The following CAPZB variants were observed in gnomAD, a reference collection of about 807,000 sequenced individuals.
The protein encoded by CAPZB is F-actin-capping protein subunit beta.
In CAPZB, 2 loss-of-function variants were observed where a neutral mutation model predicts 38.1. That is an observed-to-expected ratio of 0.05 (90% CI 0.02 to 0.17). The LOEUF is 0.17. Ranked by LOEUF, CAPZB falls within the 10% of genes least tolerant of loss-of-function variation. CAPZB has a pLI of 1.00. For missense variants in CAPZB, 161 were observed against 334.2 expected (o/e 0.48, Z 4.04); for synonymous variants, 107 against 127.4 (o/e 0.84, Z 1.08).
chr1:19,414,203 C>T (rs1303571927), intron 2 of CAPZB, among the ~76,000 whole-genome samples: 2 of 152,200 alleles, frequency 1.3e-5, no homozygotes, highest in South Asian at 2.1e-4. Flanking sequence ...TCCCTGCAGA[C>T]ATCATGCTGC....
chr1:19,389,450 T>TG (rs2094220664), intron 2 of CAPZB, among the ~76,000 whole-genome samples: 1 of 151,956 alleles, frequency 6.6e-6, no homozygotes, highest in Non-Finnish European at 1.5e-5. Context: ...CTCAATGAGA[T>TG]GGAGTCCAGC....
chr1:19,380,700 G>C (rs958595371), intron 3 of CAPZB, among the ~76,000 whole-genome samples: 6 of 152,176 alleles, frequency 3.9e-5, no homozygotes, highest in African/African-American at 1.4e-4. Flanking sequence ...GTATGACCAA[G>C]AGACTCAATT....
At chr1:19,428,573 T>C (rs556254664) in intron 1 of CAPZB, among the ~76,000 whole-genome samples, 1 of 152,338 alleles carries the variant, frequency 6.6e-6, no homozygotes, top group African/African-American at 2.4e-5. Context: ...AAAAATTCTG[T>C]TGGGATCACA....
chr1:19,350,037 G>A (rs1224618527), intron 6 of CAPZB, among the ~76,000 whole-genome samples: 1 of 152,224 alleles, frequency 6.6e-6, no homozygotes, highest in African/African-American at 2.4e-5. Flanking sequence ...TTCCAATGGC[G>A]TCTGAAGCCG....
chr1:19,439,663 C>A (rs2094469348), intron 1 of CAPZB, among the ~76,000 whole-genome samples: 1 of 152,260 alleles, frequency 6.6e-6, no homozygotes, highest in African/African-American at 2.4e-5. Flanking sequence ...CCCTCAGACA[C>A]CTGAAGTGAG....
chr1:19,413,038 G>A (rs1310916366), intron 2 of CAPZB, among the ~76,000 whole-genome samples: 1 of 152,204 alleles, frequency 6.6e-6, no homozygotes, highest in Non-Finnish European at 1.5e-5. Flanking sequence ...TGCATGGATG[G>A]TGCATTTAAT....
intron 2 of CAPZB, among the ~76,000 whole-genome samples, chr1:19,394,009 T>C (rs1403319553): frequency 6.6e-6 from 1 of 152,208 alleles, no homozygotes; most frequent in African/African-American, 2.4e-5. Context: ...TTTTGTTTTG[T>C]TTTGTTTTTG....
At chr1:19,386,309 G>C in intron 2 of CAPZB, among the ~76,000 whole-genome samples, 1 of 152,164 alleles carries the variant, frequency 6.6e-6, no homozygotes, top group Non-Finnish European at 1.5e-5. Flanking sequence ...ACAAGGCTCT[G>C]CAAGTAACCA....
intron 6 of CAPZB, among the ~76,000 whole-genome samples, chr1:19,347,008 ATTTTTT>A (rs1312856447): frequency 3.4e-5 from 5 of 147,028 alleles, no homozygotes; most frequent in African/African-American, 1.3e-4. Flanking sequence ...TTTTATTTTT[ATTTTTT>A]ATTTTTAGTA....
At chr1:19,447,087 T>C (rs2094498491) in intron 1 of CAPZB, among the ~76,000 whole-genome samples, 1 of 152,134 alleles carries the variant, frequency 6.6e-6, no homozygotes, top group Admixed American at 6.5e-5. Flanking sequence ...CTCAAGATTA[T>C]GGTGGCCCCC....
intron 1 of CAPZB, chr1:19,484,532 C>T: frequency 7.6e-7 from 1 of 1,321,968 alleles, no homozygotes; most frequent in Non-Finnish European, 9.7e-7. Flanking sequence ...CCCGCCCTTC[C>T]CTCGCTGGCT....
At chr1:19,425,441 G>A (rs905874960) in intron 1 of CAPZB, among the ~76,000 whole-genome samples, 8 of 151,786 alleles carry the variant, frequency 5.3e-5, no homozygotes, top group African/African-American at 1.7e-4. Flanking sequence ...GTCAAAATCA[G>A]TGTGGAAAAA....
chr1:19,470,807 C>T (rs1437817686), intron 1 of CAPZB, among the ~76,000 whole-genome samples: 6 of 152,198 alleles, frequency 3.9e-5, no homozygotes, highest in Non-Finnish European at 8.8e-5. Context: ...ACATAAAGGC[C>T]TAAATTCATA....
At chr1:19,359,262 A>G (rs1351230954) in intron 4 of CAPZB, among the ~76,000 whole-genome samples, 2 of 143,514 alleles carry the variant, frequency 1.4e-5, no homozygotes, top group Non-Finnish European at 3.0e-5. Flanking sequence ...TACCATTCCA[A>G]ACTAAAAAGC....
At chr1:19,344,317 C>G in intron 8 of CAPZB, 41 bp downstream of exon 8, 1 of 1,533,868 alleles carries the variant, frequency 6.5e-7, no homozygotes, top group Non-Finnish European at 9.0e-7. Flanking sequence ...GGTTCAAATC[C>G]CTCTGTCTGC....
chr1:19,449,474 C>G (rs1167630453), intron 1 of CAPZB: 8 of 328,016 alleles, frequency 2.4e-5, no homozygotes, highest in Non-Finnish European at 3.5e-5. Context: ...AACAGCTAAA[C>G]CCAGGTTCGT....
intron 1 of CAPZB, among the ~76,000 whole-genome samples, chr1:19,438,751 A>C (rs920239939): frequency 5.3e-5 from 8 of 152,182 alleles, no homozygotes; most frequent in African/African-American, 1.9e-4. Context: ...TCACATCAGG[A>C]TCTCAGCTCT....
intron 6 of CAPZB, among the ~76,000 whole-genome samples, chr1:19,347,766 G>A (rs1487925229): frequency 6.6e-6 from 1 of 152,176 alleles, no homozygotes; most frequent in Non-Finnish European, 1.5e-5. Context: ...TTGGAATGGA[G>A]CCAGGCGGCA....
chr1:19,348,300 C>T (rs1270022580), intron 6 of CAPZB, among the ~76,000 whole-genome samples: 1 of 151,498 alleles, frequency 6.6e-6, no homozygotes, highest in Non-Finnish European at 1.5e-5. Context: ...ACAAGGAGGT[C>T]TTGCTATGTT....
Sources: gnomAD v4.1 joint callset for allele counts (sites outside exome capture counted in the v4.1 genomes callset) on GRCh38, gnomAD v4.1.1 for gene constraint, MANE v1.5 for transcripts, NCBI Gene and HGNC (gene_info 2026-07-23, HGNC 2026-07-21) for gene names.